Variants in MEI1 observed in about 807,000 individuals in gnomAD.
The protein encoded by MEI1 is meiosis inhibitor protein 1.
Under a neutral mutation model 146.2 loss-of-function variants are expected in MEI1, and 103 were observed. That is an observed-to-expected ratio of 0.70 (90% CI 0.60 to 0.83). The LOEUF (loss-of-function observed/expected upper bound fraction) is 0.83. Ranked by LOEUF, MEI1 falls within the 40% of genes least tolerant of loss-of-function variation. The probability of loss-of-function intolerance (pLI) is 0.00; values close to 1 mark genes in which losing one functional copy is unlikely to be tolerated. For missense variants in MEI1, 1,529 were observed against 1,533.0 expected (o/e 1.00, Z 0.04); for synonymous variants, 652 against 628.2 (o/e 1.04, Z -0.57).
chr22:41,710,729 G>A (rs1705241119), intron 3 of MEI1, among the ~76,000 whole-genome samples: 1 of 152,202 alleles, frequency 6.6e-6, no homozygotes, highest in South Asian at 2.1e-4. Flanking sequence ...TATTGAATAA[G>A]CCATTCTGTA....
At chr22:41,745,611 A>G (rs974442935) in intron 13 of MEI1, among the ~76,000 whole-genome samples, 3 of 152,164 alleles carry the variant, frequency 2.0e-5, no homozygotes, top group Non-Finnish European at 4.4e-5. Flanking sequence ...AATGAATGGG[A>G]AATAGCAAAT....
At position 41,770,959 on chromosome 22, in the gene MEI1, C is replaced by T. The variant is rs764380723; in HGVS notation, c.2542C>T (p.Leu848=). 12 of 1,612,298 alleles carry T rather than the reference C, an allele frequency of 7.4e-6. No homozygotes were observed. Among genetic ancestry groups the T allele is most frequent in the African/African-American group, 1.3e-5 (1 of 75,006 alleles). The change falls in exon 20 of 31, where the codon CTG becomes TTG. Residue 848 remains leucine, a splice_region_variant and synonymous_variant. Transcript: ENST00000401548. ...CATCCCCAGCATCCTGCTCATCTTG[C>T]TGGTAGGCAACCACTCATTCATTTC... ...RSIPSILLIL[L]DLIYSSPVDT...
Position 41,795,338 on chromosome 22 carries a change from G to C in MEI1, c.3535-73G>C. On this transcript the variant is annotated intron_variant, in intron 28 of 30. Coordinates refer to ENST00000401548, the MANE Select transcript of MEI1 (RefSeq NM_152513.4). This position sits in a 1 kb window ranked among gnomAD's most constrained non-coding sequence, Gnocchi z 4.2. ...TTCAGGACAGTGTCTCCTAAAGTTG[G>C]GGCACAGCAGTTGTCTATGATGAAG... is the stretch of plus-strand genomic sequence containing the variant. The C allele has an allele frequency of 6.3e-7, 1 of 1,581,652 alleles. No homozygotes were observed. Among genetic ancestry groups the C allele is most frequent in the South Asian group, 1.2e-5 (1 of 86,072 alleles).
chr22:41,790,163 A>G (rs1324336062), intron 26 of MEI1, among the ~76,000 whole-genome samples: 1 of 152,030 alleles, frequency 6.6e-6, no homozygotes, highest in Non-Finnish European at 1.5e-5. Flanking sequence ...GCTCACTGCA[A>G]CCTCTGCCTT....
At position 41,795,264 on chromosome 22, in the gene MEI1, C is replaced by A; in HGVS notation, c.3535-147C>A. The A allele has an allele frequency of 9.3e-7, 1 of 1,073,240 alleles. No homozygotes were observed. Among genetic ancestry groups the A allele is most frequent in the Non-Finnish European group, 1.3e-6 (1 of 742,312 alleles). The allele number at this position is 1,073,240 out of a possible 1,614,324, so 66.5% of individuals were successfully genotyped here. A position where few individuals can be genotyped will look rare whatever the true frequency, so the allele number is the denominator to read the frequency against. Reference sequence around the variant, plus strand: ...CCACTTCCCCATGACACAGTCCCACCTCTGCCCACTAACTCTGAGCTCCTT... The same window carrying A: ...CCACTTCCCCATGACACAGTCCCACATCTGCCCACTAACTCTGAGCTCCTT... On this transcript the variant is annotated intron_variant, in intron 28 of 30. Coordinates refer to ENST00000401548, the MANE Select transcript of MEI1 (RefSeq NM_152513.4). The surrounding 1 kb of genome is among the most constrained non-coding windows in gnomAD (Gnocchi z 4.2).
At chr22:41,732,165 G>A in intron 9 of MEI1, 80 bp from the exon 10 acceptor site, 6 of 1,141,024 alleles carry the variant, frequency 5.3e-6, no homozygotes, top group South Asian at 1.4e-5. Context: ...GCTGTCCAGA[G>A]CCTGTCACCT....
intron 17 of MEI1, among the ~76,000 whole-genome samples, chr22:41,754,365 A>G (rs572042481): frequency 2.0e-5 from 3 of 152,172 alleles, no homozygotes; most frequent in South Asian, 2.1e-4. Context: ...AGTGTTCACT[A>G]TAGCATTAAT....
intron 22 of MEI1, among the ~76,000 whole-genome samples, chr22:41,779,226 C>T (rs191146399): frequency 6.6e-6 from 1 of 152,042 alleles, no homozygotes; most frequent in African/African-American, 2.4e-5. Context: ...GGCAGCATGT[C>T]GTTTGAGCTC....
At chr22:41,777,947 G>A (rs929389741) in intron 21 of MEI1, among the ~76,000 whole-genome samples, 2 of 144,338 alleles carry the variant, frequency 1.4e-5, no homozygotes. Flanking sequence ...TTCTCCTCTT[G>A]TTCTTCTTCC....
At chr22:41,784,308 G>C (rs745527463) in intron 24 of MEI1, 31 bp from the exon 25 acceptor site, 1 of 1,598,916 alleles carries the variant, frequency 6.3e-7, no homozygotes, top group South Asian at 1.1e-5. Context: ...CCAGAACATG[G>C]GGGTTAGCCC....
At chr22:41,701,454 A>T (rs2068719343) in intron 1 of MEI1, among the ~76,000 whole-genome samples, 1 of 152,088 alleles carries the variant, frequency 6.6e-6, no homozygotes, top group African/African-American at 2.4e-5. Context: ...CATGGAAAAA[A>T]TTTAAAAAAA....
rs764177723 is a variant in MEI1, at chr22:41,795,427, G to A, written c.3551G>A (p.Ser1184Asn). 1.2e-6 allele frequency: 2 copies of A among 1,613,842 alleles called. No homozygotes were observed. The highest frequency in any genetic ancestry group is 1.1e-5 in the South Asian group (1 of 91,076). The change falls in exon 29 of 31, where the codon AGT (serine) becomes AAT (asparagine). Residue 1184 changes from serine to asparagine, a missense_variant. Physicochemically the swap from Ser to Asn is conservative, Grantham distance 46. Transcript: ENST00000401548. The surrounding 1 kb of genome is among the most constrained non-coding windows in gnomAD (Gnocchi z 4.2). ...RLMTLFMRYR[S>N]SSVLSHEEVG... is the part of the protein sequence containing the mutation. ...CTGGGCCAGTTTATGCGGTACCGGA[G>A]TAGCAGTGTCCTCTCTCATGAAGAG...
intron 26 of MEI1, among the ~76,000 whole-genome samples, chr22:41,786,120 C>T (rs1191612438): frequency 6.6e-6 from 1 of 151,068 alleles, no homozygotes; most frequent in Non-Finnish European, 1.5e-5. Flanking sequence ...CCGTGTTAGC[C>T]AGGATGGTCT....
At chr22:41,736,930 A>G (rs1178328526) in intron 11 of MEI1, among the ~76,000 whole-genome samples, 1 of 152,034 alleles carries the variant, frequency 6.6e-6, no homozygotes, top group Non-Finnish European at 1.5e-5. Context: ...TTCAATCTCA[A>G]TTTGTCCATG....
chr22:41,770,588 G>GA lies in MEI1; in HGVS notation c.2269-97dup, dbSNP rs1013540035. ...TAGCCAAGGTGTCCTGGAATACTGA[G>GA]ATGACAGTACATTTTTCCTAGTCAT... On this transcript the variant is annotated intron_variant, in intron 19 of 30. Coordinates refer to ENST00000401548, the MANE Select transcript of MEI1 (RefSeq NM_152513.4). 11 of 1,183,982 alleles carry GA rather than the reference G, an allele frequency of 9.3e-6. No homozygotes were observed. In the Admixed American group the frequency reaches 1.3e-4, roughly 14 times the overall value. The allele number at this position is 1,183,982 out of a possible 1,614,324, so 73.3% of individuals were successfully genotyped here.
At chr22:41,726,346 A>G (rs930053492) in intron 7 of MEI1, among the ~76,000 whole-genome samples, 4 of 152,236 alleles carry the variant, frequency 2.6e-5, no homozygotes, top group African/African-American at 7.2e-5. Context: ...CACGTATTCC[A>G]TAAGTTTTAG....
rs759075321 is a variant in MEI1, at chr22:41,781,836, C to T, written c.3078C>T (p.Gly1026=). ...CCTTCTCTGCCCAGCAGCACAAGGG[C>T]AGTTTGCAGGTTAGTCTTTAACTCC... is the stretch of plus-strand genomic sequence containing the variant. ...TASFSAQQHK[G]SLQVHQTLSV... Residue 1026 remains glycine, a synonymous_variant, in exon 24 of 31, where the codon GGC becomes GGT. Coordinates refer to ENST00000401548, the MANE Select transcript of MEI1 (RefSeq NM_152513.4). 1.9e-6 allele frequency: 3 copies of T among 1,613,938 alleles called. No homozygotes were observed. The highest frequency in any genetic ancestry group is 2.5e-6 in the Non-Finnish European group (3 of 1,179,876).
chr22:41,779,606 A>G (rs548249622), intron 22 of MEI1, among the ~76,000 whole-genome samples: 94 of 152,310 alleles, frequency 6.2e-4, no homozygotes, highest in African/African-American at 2.1e-3. Context: ...TAGGGTTAAG[A>G]TACGGAATAC....
intron 3 of MEI1, 60 bp from the exon 4 acceptor site, chr22:41,713,942 G>A: frequency 1.4e-6 from 2 of 1,402,144 alleles, no homozygotes; most frequent in Non-Finnish European, 2.0e-6. Flanking sequence ...GAAGGGCCAT[G>A]GAAGGTGGAC....
Sources: gnomAD v4.1 joint callset for allele counts (sites outside exome capture counted in the v4.1 genomes callset) on GRCh38, gnomAD v4.1.1 for gene constraint, Gnocchi (gnomAD v3.1) non-coding constraint, MANE v1.5 for transcripts, NCBI Gene and HGNC (gene_info 2026-07-23, HGNC 2026-07-21) for gene names.